LRMDA: variants seen among roughly 807,000 people sequenced by gnomAD.
LRMDA encodes leucine-rich melanocyte differentiation-associated protein.
In LRMDA, 18 loss-of-function variants were observed where a neutral mutation model predicts 29.8. The ratio of observed to expected loss-of-function variants is 0.60; its 90% CI spans 0.42 to 0.90. The LOEUF is 0.90. LRMDA is among the 40% of genes least tolerant of loss of function. The probability of loss-of-function intolerance (pLI) is 0.00; values close to 1 mark genes in which losing one functional copy is unlikely to be tolerated. For synonymous variants in LRMDA, 125 were observed against 109.4 expected (o/e 1.14, Z -0.89); for missense variants, 273 against 273.9 (o/e 1.00, Z 0.02).
chr10:75,512,387 A>AGTAT (rs1019140263), intron 2 of LRMDA, among the ~76,000 whole-genome samples: 1 of 151,798 alleles, frequency 6.6e-6, no homozygotes, highest in African/African-American at 2.4e-5. Flanking sequence ...CAGCTGACAG[A>AGTAT]GTATGGCTCT....
intron 6 of LRMDA, among the ~76,000 whole-genome samples, chr10:76,517,505 T>C (rs1843073947): frequency 6.6e-6 from 1 of 152,076 alleles, no homozygotes; most frequent in African/African-American, 2.4e-5. Flanking sequence ...AATCTATCTC[T>C]CAAGAAGGAG....
At chr10:76,340,480 C>A (rs550548343) in intron 6 of LRMDA, among the ~76,000 whole-genome samples, 2 of 134,756 alleles carry the variant, frequency 1.5e-5, no homozygotes, top group Admixed American at 8.4e-5. Flanking sequence ...CGTGTCACTG[C>A]ACTCCAGACT....
At chr10:75,980,380 A>T (rs1847145982) in intron 2 of LRMDA, among the ~76,000 whole-genome samples, 3 of 152,212 alleles carry the variant, frequency 2.0e-5, no homozygotes, top group Admixed American at 2.0e-4. Flanking sequence ...GCACGCAGTC[A>T]ATACTGTTGA....
At chr10:76,372,057 G>A (rs1841460871) in intron 6 of LRMDA, among the ~76,000 whole-genome samples, 1 of 152,156 alleles carries the variant, frequency 6.6e-6, no homozygotes, top group Non-Finnish European at 1.5e-5. Context: ...GTGTTGTATA[G>A]TTATGTCCCC....
intron 2 of LRMDA, among the ~76,000 whole-genome samples, chr10:75,889,505 T>C (rs552221235): frequency 1.2e-4 from 19 of 152,148 alleles, no homozygotes; most frequent in Non-Finnish European, 2.5e-4. Flanking sequence ...AACATTGCAA[T>C]GGATTATTAT....
At chr10:76,128,134 T>C (rs1038698969) in intron 5 of LRMDA, among the ~76,000 whole-genome samples, 2 of 152,222 alleles carry the variant, frequency 1.3e-5, no homozygotes, top group Non-Finnish European at 1.5e-5. Flanking sequence ...GATTCCATTT[T>C]TCTTTTGCCA....
intron 2 of LRMDA, among the ~76,000 whole-genome samples, chr10:76,026,765 G>A (rs2132497116): frequency 6.6e-6 from 1 of 152,272 alleles, no homozygotes; most frequent in South Asian, 2.1e-4. Context: ...ATAAACTATA[G>A]TTATAAAGGA....
intron 2 of LRMDA, among the ~76,000 whole-genome samples, chr10:76,007,804 G>A (rs1429650772): frequency 6.6e-6 from 1 of 152,170 alleles, no homozygotes; most frequent in Admixed American, 6.5e-5. Flanking sequence ...AGGGGAAGGG[G>A]AGCCGAGGCC....
chr10:75,946,528 G>A (rs80072221), intron 2 of LRMDA, among the ~76,000 whole-genome samples: 267 of 152,256 alleles, frequency 1.8e-3, no homozygotes, highest in African/African-American at 5.9e-3. Flanking sequence ...CTGGCTGCTG[G>A]CGTTTGATTT....
chr10:75,503,470 C>A (rs182613677), intron 2 of LRMDA, among the ~76,000 whole-genome samples: 4 of 151,534 alleles, frequency 2.6e-5, no homozygotes, highest in Non-Finnish European at 5.9e-5. Flanking sequence ...TTGGCCACAG[C>A]CCCCATGATT....
In LRMDA at chr10:76,087,868, T is replaced by C. The variant is rs12266757; in HGVS notation, c.516+29085T>C. Among the ~76,000 whole-genome samples, 247 of 152,334 alleles carry C rather than the reference T, an allele frequency of 1.6e-3. 1 individual carries two copies. The highest frequency in any genetic ancestry group is 6.8e-3 in the Middle Eastern group (2 of 294). On this transcript the variant is annotated intron_variant, in intron 5 of 6. Transcript: ENST00000611255. ...CAAATGTGGTGGCTCACACCTGTTATACCAGCACTTTGGGAGGCTAGAGTG... is the reference window on the plus strand; with the variant it reads ...CAAATGTGGTGGCTCACACCTGTTACACCAGCACTTTGGGAGGCTAGAGTG...
intron 5 of LRMDA, among the ~76,000 whole-genome samples, chr10:76,069,242 C>T (rs1848835674): frequency 6.6e-6 from 1 of 152,212 alleles, no homozygotes; most frequent in African/African-American, 2.4e-5. Flanking sequence ...TGCCATTTCA[C>T]AAGCATGATG....
intron 2 of LRMDA, among the ~76,000 whole-genome samples, chr10:76,015,702 A>C (rs1004392407): frequency 6.6e-6 from 1 of 152,220 alleles, no homozygotes; most frequent in African/African-American, 2.4e-5. Flanking sequence ...GATGCCTGAC[A>C]CACCATCAGC....
intron 2 of LRMDA, among the ~76,000 whole-genome samples, chr10:75,497,857 C>T (rs1845065228): frequency 6.6e-6 from 1 of 152,156 alleles, no homozygotes; most frequent in Non-Finnish European, 1.5e-5. Context: ...AGGTATTAAG[C>T]TGCTGTGAAC....
chr10:75,689,229 C>T (rs1842116818), intron 2 of LRMDA, among the ~76,000 whole-genome samples: 1 of 152,198 alleles, frequency 6.6e-6, no homozygotes, highest in Non-Finnish European at 1.5e-5. Context: ...TCTTAGATTT[C>T]CTTCCAACGG....
intron 5 of LRMDA, among the ~76,000 whole-genome samples, chr10:76,063,018 TC>T (rs1212872937): frequency 6.6e-6 from 1 of 152,174 alleles, no homozygotes; most frequent in Non-Finnish European, 1.5e-5. Context: ...TTTAATTATG[TC>T]CTGACTTTGT....
chr10:76,290,453 CTG>C (rs1408461093), intron 5 of LRMDA, among the ~76,000 whole-genome samples: 1 of 115,642 alleles, frequency 8.6e-6, no homozygotes, highest in African/African-American at 3.4e-5. Flanking sequence ...GAGTCTCACT[CTG>C]TTGCCCAGGC....
intron 5 of LRMDA, among the ~76,000 whole-genome samples, chr10:76,086,586 T>C (rs775345703): frequency 7.5e-4 from 114 of 152,178 alleles, no homozygotes; most frequent in Non-Finnish European, 1.5e-3. Context: ...CTCTATTCAG[T>C]AAGTGTTCAC....
intron 2 of LRMDA, among the ~76,000 whole-genome samples, chr10:75,916,915 G>C (rs956050262): frequency 6.6e-5 from 10 of 152,150 alleles, no homozygotes; most frequent in African/African-American, 2.4e-4. Flanking sequence ...TTTAGCCTAG[G>C]GGTTAGGAAG....
Sources: gnomAD v4.1 joint callset for allele counts (sites outside exome capture counted in the v4.1 genomes callset) on GRCh38, gnomAD v4.1.1 for gene constraint, MANE v1.5 for transcripts, NCBI Gene and HGNC (gene_info 2026-07-23, HGNC 2026-07-21) for gene names.